The following CDH18 variants were observed in gnomAD, a reference collection of about 807,000 sequenced individuals.
CDH18 encodes cadherin-18.
A neutral mutation model predicts 67.9 loss-of-function variants in CDH18; 31 were observed. The observed-to-expected ratio is 0.46, with a 90% CI of 0.34 to 0.62. The LOEUF (loss-of-function observed/expected upper bound fraction) is 0.62. Ranked by LOEUF, CDH18 falls within the 20% of genes least tolerant of loss-of-function variation. CDH18 has a pLI of 0.01. For synonymous variants in CDH18, 362 were observed against 347.2 expected (o/e 1.04, Z -0.48); for missense variants, 890 against 975.5 (o/e 0.91, Z 1.17).
chr5:20,119,011 A>T (rs895137402), intron 2 of CDH18, among the ~76,000 whole-genome samples: 20 of 152,146 alleles, frequency 1.3e-4, no homozygotes, highest in Non-Finnish European at 2.2e-4. Context: ...TTGCACAATT[A>T]TACTTTATAT....
At chr5:20,259,973 C>T (rs1368547741) in intron 1 of CDH18, among the ~76,000 whole-genome samples, 2 of 147,020 alleles carry the variant, frequency 1.4e-5, no homozygotes, top group Admixed American at 6.8e-5. Context: ...GTCTTACAAA[C>T]AAAAAAAAAA....
chr5:19,485,991 AAT>A (rs1236525255), intron 11 of CDH18, among the ~76,000 whole-genome samples: 1 of 152,184 alleles, frequency 6.6e-6, no homozygotes, highest in African/African-American at 2.4e-5. Flanking sequence ...CAAATACCAG[AAT>A]ATGTTTCTAG....
chr5:20,215,169 T>A (rs985849360), intron 2 of CDH18, among the ~76,000 whole-genome samples: 34 of 151,966 alleles, frequency 2.2e-4, no homozygotes, highest in Non-Finnish European at 7.4e-5. Flanking sequence ...ATGGCTATTA[T>A]TAAATGGTCA....
chr5:19,501,176 A>C (rs1365306503), intron 11 of CDH18, among the ~76,000 whole-genome samples: 1 of 147,656 alleles, frequency 6.8e-6, no homozygotes, highest in Non-Finnish European at 1.5e-5. Flanking sequence ...TATATATAAA[A>C]ATATATATAA....
chr5:19,499,506 T>C (rs1245348596), intron 11 of CDH18, among the ~76,000 whole-genome samples: 4 of 152,108 alleles, frequency 2.6e-5, no homozygotes, highest in Non-Finnish European at 4.4e-5. Flanking sequence ...TGTGGATCTA[T>C]ATAGTTCTCT....
chr5:19,506,408 C>A (rs1408661515), intron 10 of CDH18, among the ~76,000 whole-genome samples: 1 of 152,224 alleles, frequency 6.6e-6, no homozygotes, highest in African/African-American at 2.4e-5. Context: ...GAAAAAACTA[C>A]TTTAAAGTTC....
chr5:19,927,663 C>T (rs1438631464), intron 2 of CDH18, among the ~76,000 whole-genome samples: 1 of 151,942 alleles, frequency 6.6e-6, no homozygotes, highest in Non-Finnish European at 1.5e-5. Context: ...CAGCTATTTT[C>T]TAATGCAGAC....
intron 8 of CDH18, among the ~76,000 whole-genome samples, chr5:19,550,038 C>A (rs75044724): frequency 0.038 from 5,731 of 151,772 alleles, 156 homozygotes; most frequent in East Asian, 0.059. Flanking sequence ...TAGAGAAAAA[C>A]AGAGAGAAAG....
At chr5:20,403,786 C>G (rs1246085012) in intron 1 of CDH18, among the ~76,000 whole-genome samples, 3 of 151,822 alleles carry the variant, frequency 2.0e-5, no homozygotes, top group Admixed American at 1.3e-4. Context: ...CATCTTAAAG[C>G]CACCAGCTGC....
rs919633962 is a variant in CDH18 at position 20,481,299 on chromosome 5, T to C, written c.-580+94163A>G. 5.3e-5 allele frequency among the ~76,000 whole-genome samples: 8 copies of C among 151,500 alleles called. No homozygotes were observed. In the East Asian group the frequency reaches 1.6e-3, roughly 29 times the overall value. Reference sequence around the variant, plus strand: ...AAAGGACATAGGAATTGTAAATACATATGCAGTCAAAATCCGAGGACTCAG... The same window carrying C: ...AAAGGACATAGGAATTGTAAATACACATGCAGTCAAAATCCGAGGACTCAG... On this transcript the variant is annotated intron_variant, in intron 1 of 14. Transcript: ENST00000507958.
At chr5:19,656,074 T>C (rs1756346257) in intron 5 of CDH18, among the ~76,000 whole-genome samples, 1 of 146,978 alleles carries the variant, frequency 6.8e-6, no homozygotes, top group Non-Finnish European at 1.5e-5. Context: ...GGCTGTGAAA[T>C]ATACTCAGGC....
intron 1 of CDH18, among the ~76,000 whole-genome samples, chr5:20,557,224 G>A (rs1561127977): frequency 6.6e-6 from 1 of 151,996 alleles, no homozygotes; most frequent in African/African-American, 2.4e-5. Flanking sequence ...TATCAAAATA[G>A]TATAGAGTTC....
chr5:20,228,964 G>T (rs756672826), intron 2 of CDH18, among the ~76,000 whole-genome samples: 42 of 151,978 alleles, frequency 2.8e-4, no homozygotes, highest in Non-Finnish European at 5.7e-4. Context: ...ACTTAAGATG[G>T]GTTATGTTAA....
chr5:19,993,607 C>A (rs1233868642), intron 2 of CDH18, among the ~76,000 whole-genome samples: 1 of 152,048 alleles, frequency 6.6e-6, no homozygotes, highest in Non-Finnish European at 1.5e-5. Context: ...GTAGCACACA[C>A]ATATACACAC....
chr5:20,017,787 G>A (rs1738004939), intron 2 of CDH18, among the ~76,000 whole-genome samples: 1 of 152,144 alleles, frequency 6.6e-6, no homozygotes, highest in African/African-American at 2.4e-5. Flanking sequence ...TAGGATATCA[G>A]CTGGATGAAA....
At chr5:20,362,838 A>G (rs950765687) in intron 1 of CDH18, among the ~76,000 whole-genome samples, 1 of 152,152 alleles carries the variant, frequency 6.6e-6, no homozygotes, top group African/African-American at 2.4e-5. Flanking sequence ...CAGGATTGGG[A>G]GAAATTGCTG....
rs1794223217 is a variant in CDH18 at position 19,936,048 on chromosome 5, T to C, written c.-257+45012A>G. 2.0e-5 allele frequency among the ~76,000 whole-genome samples: 3 copies of C among 151,236 alleles called. No individual in the cohort carries two copies. The South Asian group carries it at 6.2e-4, about 31-fold the overall frequency. On this transcript the variant is annotated intron_variant, in intron 2 of 12. Coordinates refer to ENST00000382275, the MANE Select transcript of CDH18 (RefSeq NM_004934.5). ...TGAAAACTCATGTTTAAAAAATCCA[T>C]ATATAATTAGCGTGATACAACACAG...
At chr5:19,741,782 A>G (rs775986457) in intron 4 of CDH18, among the ~76,000 whole-genome samples, 4 of 152,144 alleles carry the variant, frequency 2.6e-5, no homozygotes, top group Non-Finnish European at 5.9e-5. Context: ...CTTAACTGAC[A>G]GCATTTTTGT....
In CDH18 at chr5:20,290,519, T is replaced by C. The variant is rs559507564; in HGVS notation, c.-579-35014A>G. ...ATAAAGCATAATCCCTACCTTTGCATACCTCAAAGAATGAACTATAGAAAT... is the reference window on the plus strand; with the variant it reads ...ATAAAGCATAATCCCTACCTTTGCACACCTCAAAGAATGAACTATAGAAAT... On this transcript the variant is annotated intron_variant, in intron 1 of 14. Coordinates refer to the CDH18 transcript ENST00000507958. Among the ~76,000 whole-genome samples the C allele has an allele frequency of 8.5e-5, 13 of 152,262 alleles. No individual in the cohort carries two copies. The East Asian group carries it at 2.3e-3, about 27-fold the overall frequency.
Sources: allele counts gnomAD v4.1 joint callset (sites outside exome capture counted in the v4.1 genomes callset), GRCh38; gene constraint gnomAD v4.1.1; transcripts MANE v1.5; gene names NCBI Gene and HGNC (gene_info 2026-07-23, HGNC 2026-07-21).